The following AOPEP variants were observed in gnomAD, a reference collection of about 807,000 sequenced individuals.
The protein encoded by AOPEP is aminopeptidase O.
Under a neutral mutation model 98.1 loss-of-function variants are expected in AOPEP, and 77 were observed. The observed-to-expected ratio is 0.78, with a 90% CI of 0.65 to 0.95. The LOEUF (loss-of-function observed/expected upper bound fraction) is 0.95. Ranked by LOEUF, AOPEP falls within the 40% of genes least tolerant of loss-of-function variation. The probability of loss-of-function intolerance (pLI) is 0.00; values close to 1 mark genes in which losing one functional copy is unlikely to be tolerated. For missense variants in AOPEP, 1,024 were observed against 1,024.7 expected (o/e 1.00, Z 0.01); for synonymous variants, 346 against 365.3 (o/e 0.95, Z 0.60).
intron 5 of AOPEP, among the ~76,000 whole-genome samples, chr9:94,849,052 T>TA (rs1350246749): frequency 1.3e-5 from 2 of 152,210 alleles, no homozygotes; most frequent in Non-Finnish European, 2.9e-5. Context: ...ATGCTGGGAT[T>TA]AGAGGCGTGA....
intron 16 of AOPEP, chr9:95,085,873 G>C (rs984739243): frequency 1.7e-6 from 2 of 1,190,602 alleles, no homozygotes; most frequent in African/African-American, 1.6e-5. Context: ...GCGGGGCGGG[G>C]CTTTCGGAGG....
chr9:95,092,411 G>A, the AOPEP span, among the ~76,000 whole-genome samples: 1 of 152,108 alleles, frequency 6.6e-6, no homozygotes, highest in African/African-American at 2.4e-5. Context: ...TGCTCCCAGG[G>A]GGACTGTCCA....
chr9:95,113,039 G>A, the AOPEP span, among the ~76,000 whole-genome samples: 2 of 152,200 alleles, frequency 1.3e-5, no homozygotes, highest in African/African-American at 2.4e-5. Context: ...CTGCATCTAC[G>A]TCCTGTCCCC....
At chr9:94,931,834 C>T (rs1433672359) in intron 7 of AOPEP, 3 of 1,517,294 alleles carry the variant, frequency 2.0e-6, no homozygotes, top group Non-Finnish European at 2.7e-6. Context: ...CTCCTCCTGG[C>T]TTCTGTGTGT....
intron 4 of AOPEP, among the ~76,000 whole-genome samples, chr9:94,799,403 TAA>T (rs765788408): frequency 2.9e-4 from 38 of 132,744 alleles, no homozygotes; most frequent in Admixed American, 3.8e-4. Context: ...CCCCATCTCT[TAA>T]AAAAAAAAAA....
intron 13 of AOPEP, among the ~76,000 whole-genome samples, chr9:95,008,586 A>G (rs150162184): frequency 6.6e-6 from 1 of 152,280 alleles, no homozygotes; most frequent in Non-Finnish European, 1.5e-5. Context: ...AGCAAAACAA[A>G]CTCACCCTGT....
At chr9:95,063,865 G>A (rs746124519) in intron 14 of AOPEP, among the ~76,000 whole-genome samples, 13 of 151,994 alleles carry the variant, frequency 8.6e-5, no homozygotes, top group Non-Finnish European at 1.9e-4. Flanking sequence ...TCGTGTGCAC[G>A]TGAGCGGCTC....
At chr9:94,763,026 A>G (rs1793016567) in intron 2 of AOPEP, 3 of 361,092 alleles carry the variant, frequency 8.3e-6, no homozygotes, top group South Asian at 6.6e-5. Flanking sequence ...TAAAACTAAA[A>G]TAGTTTCTAC....
At chr9:94,899,741 C>A (rs2050136598) in intron 5 of AOPEP, among the ~76,000 whole-genome samples, 1 of 151,606 alleles carries the variant, frequency 6.6e-6, no homozygotes, top group Non-Finnish European at 1.5e-5. Flanking sequence ...CAGAGTGGGA[C>A]CCTATCTAAA....
intron 6 of AOPEP, among the ~76,000 whole-genome samples, chr9:94,925,712 C>G (rs2054218287): frequency 6.6e-6 from 1 of 152,182 alleles, no homozygotes; most frequent in South Asian, 2.1e-4. Flanking sequence ...CACATGGAGT[C>G]CTGTGAGGAG....
chr9:94,781,042 G>T (rs1007735081), intron 3 of AOPEP, among the ~76,000 whole-genome samples: 2 of 151,938 alleles, frequency 1.3e-5, no homozygotes, highest in Non-Finnish European at 2.9e-5. Context: ...TGGTTTGGAT[G>T]TAGGGTGATG....
chr9:95,148,503 C>G, the AOPEP span, among the ~76,000 whole-genome samples: 1 of 152,200 alleles, frequency 6.6e-6, no homozygotes, highest in Non-Finnish European at 1.5e-5. Context: ...TAAATTTTAG[C>G]TTTTAAGCAG....
intron 5 of AOPEP, among the ~76,000 whole-genome samples, chr9:94,914,567 C>T (rs1439164893): frequency 7.1e-5 from 6 of 84,182 alleles, no homozygotes; most frequent in Non-Finnish European, 2.6e-5. Flanking sequence ...TGTGTATGTA[C>T]AGGATAAATA....
chr9:94,837,195 G>C (rs2041710954), intron 5 of AOPEP, among the ~76,000 whole-genome samples: 1 of 152,122 alleles, frequency 6.6e-6, no homozygotes, highest in Non-Finnish European at 1.5e-5. Context: ...AACTCTCCTA[G>C]CTTCAATCAG....
chr9:95,077,275 G>A (rs898330016), intron 14 of AOPEP, among the ~76,000 whole-genome samples: 1 of 152,214 alleles, frequency 6.6e-6, no homozygotes, highest in South Asian at 2.1e-4. Flanking sequence ...GCACTGCCCC[G>A]GCTCCCAGAC....
chr9:94,911,132 C>G (rs1314393449), intron 5 of AOPEP, among the ~76,000 whole-genome samples: 1 of 152,154 alleles, frequency 6.6e-6, no homozygotes, highest in Non-Finnish European at 1.5e-5. Flanking sequence ...GTCCTGGGCC[C>G]TGGTCTTTCC....
At chr9:94,835,588 T>C (rs1485572968) in intron 5 of AOPEP, among the ~76,000 whole-genome samples, 1 of 152,236 alleles carries the variant, frequency 6.6e-6, no homozygotes, top group Admixed American at 6.5e-5. Context: ...AGTACAAGGG[T>C]GCAAGGCCTT....
At chr9:94,920,646 G>C (rs1194836048) in intron 5 of AOPEP, among the ~76,000 whole-genome samples, 1 of 152,172 alleles carries the variant, frequency 6.6e-6, no homozygotes, top group African/African-American at 2.4e-5. Context: ...AATTCCTCCC[G>C]AAGGATGGGA....
chr9:94,905,117 A>T (rs923599974), intron 5 of AOPEP, among the ~76,000 whole-genome samples: 1 of 152,268 alleles, frequency 6.6e-6, no homozygotes, highest in African/African-American at 2.4e-5. Context: ...AGCACAACAG[A>T]TATCGTATTG....
Sources: allele counts gnomAD v4.1 joint callset (sites outside exome capture counted in the v4.1 genomes callset), GRCh38; gene constraint gnomAD v4.1.1; transcripts MANE v1.5; gene names NCBI Gene and HGNC (gene_info 2026-07-23, HGNC 2026-07-21).